The following CREB5 variants were observed in gnomAD, a reference collection of about 807,000 sequenced individuals.
CREB5 encodes cAMP responsive element binding protein 5.
A neutral mutation model predicts 57.1 loss-of-function variants in CREB5; 19 were observed. The observed-to-expected ratio is 0.33, with a 90% CI of 0.23 to 0.49. The LOEUF (loss-of-function observed/expected upper bound fraction) is 0.49, where lower values mean the gene tolerates loss of function less well. Ranked by LOEUF, CREB5 falls within the 20% of genes least tolerant of loss-of-function variation. The pLI, the probability that CREB5 is intolerant of heterozygous loss-of-function variation, is 0.99. For missense variants in CREB5, 579 were observed against 671.6 expected (o/e 0.86, Z 1.52); for synonymous variants, 238 against 238.3 (o/e 1.00, Z 0.01).
At chr7:28,410,106 G>T (rs1010921843), upstream of CREB5, 2 of 387,720 alleles carry the variant, frequency 5.2e-6, no homozygotes, top group African/African-American at 4.2e-5. Flanking sequence ...CCCCGGTGCG[G>T]AGCTGCAGCT....
intron 1 of CREB5, among the ~76,000 whole-genome samples, chr7:28,448,806 G>A (rs1789633559): frequency 6.6e-6 from 1 of 152,202 alleles, no homozygotes; most frequent in Non-Finnish European, 1.5e-5. Context: ...TGTTAGAGAT[G>A]ATTTAGTCTA....
chr7:28,487,942 G>A (rs1034635105), intron 1 of CREB5, among the ~76,000 whole-genome samples: 1 of 152,150 alleles, frequency 6.6e-6, no homozygotes, highest in Non-Finnish European at 1.5e-5. Context: ...TTTCTTCCAA[G>A]TACAGTCAGT....
intron 1 of CREB5, among the ~76,000 whole-genome samples, chr7:28,374,188 G>T (rs770377194): frequency 4.6e-5 from 7 of 152,104 alleles, no homozygotes; most frequent in Non-Finnish European, 1.0e-4. Context: ...ACACCCACTG[G>T]CATGGCTAAA....
intron 1 of CREB5, among the ~76,000 whole-genome samples, chr7:28,300,759 A>G (rs1282712694): frequency 1.3e-5 from 2 of 152,204 alleles, no homozygotes; most frequent in Admixed American, 6.5e-5. Context: ...TTTCTGTAGG[A>G]CAGTGGTTAT....
chr7:28,592,088 A>C (rs1166053942), intron 5 of CREB5, among the ~76,000 whole-genome samples: 1 of 152,232 alleles, frequency 6.6e-6, no homozygotes, highest in South Asian at 2.1e-4. Context: ...GCAGATAGAC[A>C]GGTAAGTCTC....
In CREB5 at chr7:28,804,208, G is replaced by C. The variant is rs1216269304; in HGVS notation, c.712G>C (p.Ala238Pro). The C allele has an allele frequency of 6.2e-7, 1 of 1,612,370 alleles. No homozygotes were observed. Among genetic ancestry groups the C allele is most frequent in the Non-Finnish European group, 8.5e-7 (1 of 1,178,684 alleles). The change falls in exon 8 of 11, where the codon GCT (alanine) becomes CCT (proline). Residue 238 changes from alanine to proline, a missense_variant. This residue lies in a region of CREB5 where 459 missense variants were observed against 515.7 expected (regional missense o/e 0.89). Transcript: ENST00000357727. ...TTTTGTTCTGTTTCAGAGGTTGAAG[G>C]CTGCATTGACTCACCACCCTGCTGC... ...MHSEAKMRLK[A>P]ALTHHPAAMS... is the part of the protein sequence containing the mutation.
At chr7:28,781,397 G>C (rs1420586655) in intron 7 of CREB5, among the ~76,000 whole-genome samples, 20 of 152,144 alleles carry the variant, frequency 1.3e-4, no homozygotes. Context: ...GTGGTCTTAA[G>C]GAATCTACAT....
chr7:28,551,687 G>A (rs1794648880), intron 4 of CREB5, among the ~76,000 whole-genome samples: 1 of 152,112 alleles, frequency 6.6e-6, no homozygotes, highest in Non-Finnish European at 1.5e-5. Context: ...AAGGTTGCTT[G>A]GTGAGTCGGG....
chr7:28,688,675 T>A (rs1343002022), intron 5 of CREB5, among the ~76,000 whole-genome samples: 1 of 152,198 alleles, frequency 6.6e-6, no homozygotes, highest in East Asian at 1.9e-4. Flanking sequence ...TTGTAAAGTA[T>A]GTAGTTATGT....
chr7:28,638,809 A>G (rs1274188326), intron 5 of CREB5, among the ~76,000 whole-genome samples: 2 of 152,196 alleles, frequency 1.3e-5, no homozygotes, highest in East Asian at 3.8e-4. Flanking sequence ...TTCACATCCC[A>G]TAGCAAATCA....
chr7:28,786,539 C>T lies in CREB5; in HGVS notation c.703-17660C>T, dbSNP rs535688021. ...CTGGGATTACAGGTGTGAGCCACTGCGCCAGGCCTATGGCCTACCTAGGTA... is the reference window on the plus strand; with the variant it reads ...CTGGGATTACAGGTGTGAGCCACTGTGCCAGGCCTATGGCCTACCTAGGTA... On this transcript the variant is annotated intron_variant, in intron 7 of 10. Coordinates refer to ENST00000357727, the MANE Select transcript of CREB5 (RefSeq NM_182898.4). Among the ~76,000 whole-genome samples, 343 of 151,968 alleles carry T rather than the reference C, an allele frequency of 2.3e-3. 1 individual carries two copies. The highest frequency in any genetic ancestry group is 3.7e-3 in the Non-Finnish European group (249 of 67,994).
At chr7:28,470,082 CT>C (rs1790744531) in intron 1 of CREB5, among the ~76,000 whole-genome samples, 1 of 152,144 alleles carries the variant, frequency 6.6e-6, no homozygotes, top group South Asian at 2.1e-4. Context: ...TAATCCAATA[CT>C]CTTTTAGTAA....
chr7:28,611,605 G>A (rs1797388815), intron 5 of CREB5, among the ~76,000 whole-genome samples: 1 of 150,780 alleles, frequency 6.6e-6, no homozygotes, highest in Non-Finnish European at 1.5e-5. Context: ...AACACAGGAG[G>A]CCAGAGGTTG....
chr7:28,624,760 A>G (rs969387966), intron 5 of CREB5, among the ~76,000 whole-genome samples: 1 of 151,722 alleles, frequency 6.6e-6, no homozygotes, highest in African/African-American at 2.4e-5. Context: ...ACTTCTGTTA[A>G]TTGTAACTCT....
At chr7:28,447,028 G>A (rs1353742483) in intron 1 of CREB5, among the ~76,000 whole-genome samples, 2 of 152,156 alleles carry the variant, frequency 1.3e-5, no homozygotes, top group Non-Finnish European at 2.9e-5. Context: ...CACCTTGCTA[G>A]CTCTGTGTCC....
At position 28,494,987 on chromosome 7, in the gene CREB5, AAT is replaced by A; in HGVS notation, c.160_161del (p.Met54ValfsTer49). On this transcript the variant is annotated frameshift_variant, in exon 3 of 11. Coordinates refer to ENST00000357727, the MANE Select transcript of CREB5 (RefSeq NM_182898.4). LOFTEE classifies it high-confidence loss of function. ...TLKFPSIKTD[N>X]MLSDQTPTPT... ...GAAGTTTCCTTCAATAAAAACAGACAATATGTTATCAGGTAAGGAGCCATCAG... is the reference window on the plus strand; with the variant it reads ...GAAGTTTCCTTCAATAAAAACAGACAATGTTATCAGGTAAGGAGCCATCAG... 1 of 1,606,088 alleles carries A rather than the reference AAT, an allele frequency of 6.2e-7. No individual in the cohort carries two copies. Among genetic ancestry groups the A allele is most frequent in the Non-Finnish European group, 8.5e-7 (1 of 1,177,750 alleles).
At chr7:28,739,839 C>G (rs1355691641) in intron 7 of CREB5, among the ~76,000 whole-genome samples, 1 of 152,186 alleles carries the variant, frequency 6.6e-6, no homozygotes, top group East Asian at 1.9e-4. Context: ...ATTCAAGTTT[C>G]ACAGAGTTCT....
At chr7:28,494,035 C>T (rs1024901793) in intron 2 of CREB5, among the ~76,000 whole-genome samples, 3 of 152,128 alleles carry the variant, frequency 2.0e-5, no homozygotes, top group Non-Finnish European at 4.4e-5. Flanking sequence ...AATCACGATT[C>T]TCTTCTTTCA....
intron 4 of CREB5, among the ~76,000 whole-genome samples, chr7:28,561,471 G>A (rs991055433): frequency 6.6e-6 from 1 of 152,174 alleles, no homozygotes; most frequent in Non-Finnish European, 1.5e-5. Flanking sequence ...ACGTTTATTG[G>A]ACAGTTAATT....
Sources: gnomAD v4.1 joint callset for allele counts (sites outside exome capture counted in the v4.1 genomes callset) on GRCh38, gnomAD v4.1.1 for gene constraint, gnomAD v4.1.1 regional missense constraint, MANE v1.5 for transcripts, NCBI Gene and HGNC (gene_info 2026-07-23, HGNC 2026-07-21) for gene names.